OXCT1: variants seen among roughly 807,000 people sequenced by gnomAD.
OXCT1 encodes succinyl-CoA:3-ketoacid coenzyme A transferase 1, mitochondrial.
OXCT1 carries 27 observed loss-of-function variants against 69.6 expected under a neutral mutation model. The observed-to-expected ratio is 0.39, with a 90% confidence interval of 0.29 to 0.54. The LOEUF is 0.54. OXCT1 is among the 20% of genes least tolerant of loss of function. OXCT1 has a pLI of 0.72. For missense variants in OXCT1, 437 were observed against 650.2 expected, an observed-to-expected ratio of 0.67 and a Z score of 3.57; for synonymous variants, 202 against 217.8, an observed-to-expected ratio of 0.93 and a Z score of 0.64.
chr5:41,744,281 A>T (rs1743353757), intron 15 of OXCT1, among the ~76,000 whole-genome samples: 1 of 152,150 alleles, frequency 6.6e-6, no homozygotes, highest in African/African-American at 2.4e-5. Flanking sequence ...TTATTGGTGT[A>T]TAAGAATGCT....
At chr5:41,832,705 T>G (rs1262666643) in intron 7 of OXCT1, among the ~76,000 whole-genome samples, 3 of 152,084 alleles carry the variant, frequency 2.0e-5, no homozygotes, top group Non-Finnish European at 2.9e-5. Flanking sequence ...AACAGAGATA[T>G]GTGACCTTTC....
rs569055352 is a variant in OXCT1, at chr5:41,743,190, A to G, written c.1420-3699T>C. ...GCCATTCTAACTGGTGTGAGATGGT[A>G]TCTCATTGTGGCTTTGATTTGCATT... is the stretch of plus-strand genomic sequence containing the variant. On this transcript the variant is annotated intron_variant, in intron 15 of 16. Coordinates refer to ENST00000196371, the MANE Select transcript of OXCT1 (RefSeq NM_000436.4). Among the ~76,000 whole-genome samples, 978 of 152,304 alleles carry G rather than the reference A, an allele frequency of 6.4e-3. 9 individuals carry two copies. Among genetic ancestry groups the G allele is most frequent in the Middle Eastern group, 0.027 (8 of 294 alleles).
chr5:41,801,289 C>T (rs563856733), intron 10 of OXCT1, among the ~76,000 whole-genome samples: 1 of 152,138 alleles, frequency 6.6e-6, no homozygotes, highest in East Asian at 1.9e-4. Flanking sequence ...AAAATATTTT[C>T]TAAAAATTAC....
intron 13 of OXCT1, among the ~76,000 whole-genome samples, chr5:41,764,694 T>G (rs745749506): frequency 2.0e-5 from 3 of 152,144 alleles, no homozygotes; most frequent in Non-Finnish European, 4.4e-5. Context: ...CTTTCTCTTC[T>G]TCTCTCCATT....
intron 14 of OXCT1, among the ~76,000 whole-genome samples, chr5:41,758,782 T>A (rs902550116): frequency 6.6e-6 from 1 of 152,014 alleles, no homozygotes; most frequent in African/African-American, 2.4e-5. Context: ...AGAGGGGGCA[T>A]AGAAAATTTA....
intron 14 of OXCT1, among the ~76,000 whole-genome samples, chr5:41,754,679 T>C (rs1170990494): frequency 1.3e-5 from 2 of 152,086 alleles, no homozygotes; most frequent in East Asian, 3.9e-4. Flanking sequence ...TCATGGGATA[T>C]GATTGACCTT....
chr5:41,844,747 T>C (rs369059610), intron 5 of OXCT1, among the ~76,000 whole-genome samples: 1 of 151,978 alleles, frequency 6.6e-6, no homozygotes, highest in South Asian at 2.1e-4. Context: ...TTACACAGTA[T>C]GCTTGACTCC....
chr5:41,836,370 C>T (rs754865866), intron 7 of OXCT1, among the ~76,000 whole-genome samples: 1 of 152,190 alleles, frequency 6.6e-6, no homozygotes, highest in African/African-American at 2.4e-5. Context: ...TCAACTGTGT[C>T]ACAACTTTGT....
intron 13 of OXCT1, among the ~76,000 whole-genome samples, chr5:41,788,413 T>A (rs1191285082): frequency 6.6e-6 from 1 of 152,168 alleles, no homozygotes; most frequent in East Asian, 1.9e-4. Flanking sequence ...AATTATGATT[T>A]AGAGATTATA....
chr5:41,814,772 G>A (rs186011516), intron 7 of OXCT1, among the ~76,000 whole-genome samples: 2,192 of 151,066 alleles, frequency 0.015, 61 homozygotes, highest in African/African-American at 0.051. Flanking sequence ...TATACCTAAT[G>A]CTAGATGACG....
In OXCT1 at chr5:41,815,564, A is replaced by G. The variant is rs1251024547; in HGVS notation, c.733-8126T>C. On this transcript the variant is annotated intron_variant, in intron 7 of 16. Transcript: ENST00000196371. The stretch of plus-strand genomic sequence containing the variant: ...TTCAGGCAATATTCTAAATATCTAT[A>G]TTTCATTTGTCATATCTCTTTTAAA... Among the ~76,000 whole-genome samples, 4 of 152,140 alleles carry G rather than the reference A, an allele frequency of 2.6e-5. No homozygotes were observed. The East Asian group carries it at 7.7e-4, about 29-fold the overall frequency.
chr5:41,828,896 T>C (rs1005544873), intron 7 of OXCT1, among the ~76,000 whole-genome samples: 13 of 152,220 alleles, frequency 8.5e-5, no homozygotes, highest in African/African-American at 2.9e-4. Flanking sequence ...TTACATACTT[T>C]TTTAAAAAAT....
At position 41,849,590 on chromosome 5, in the gene OXCT1, C is replaced by G. The variant is rs540603141; in HGVS notation, c.564+440G>C. Among the ~76,000 whole-genome samples the G allele has an allele frequency of 7.2e-5, 11 of 152,330 alleles. No individual in the cohort carries two copies. The East Asian group carries it at 1.9e-3, about 27-fold the overall frequency. On this transcript the variant is annotated intron_variant, in intron 5 of 16. Coordinates refer to ENST00000196371, the MANE Select transcript of OXCT1 (RefSeq NM_000436.4). The stretch of plus-strand genomic sequence containing the variant: ...ATATGAACTCTCTATTCTATCATAA[C>G]AGTTCCTTTCAAGGTTTCAGACAAA...
intron 13 of OXCT1, among the ~76,000 whole-genome samples, chr5:41,783,470 C>T (rs1314471187): frequency 1.3e-5 from 2 of 152,072 alleles, no homozygotes; most frequent in African/African-American, 4.8e-5. Flanking sequence ...TTCTAGGAAG[C>T]CTCATCTATC....
At chr5:41,802,614 G>T (rs987306349) in intron 10 of OXCT1, among the ~76,000 whole-genome samples, 1 of 151,964 alleles carries the variant, frequency 6.6e-6, no homozygotes, top group African/African-American at 2.4e-5. Flanking sequence ...TCACTCTGAG[G>T]CTTACTTAAT....
rs1167152711 is a variant in OXCT1 at position 41,861,548 on chromosome 5, AGCT to A, written c.188-147_188-145del. Reference sequence around the variant, plus strand: ...GCAAAATACACAGATATATCTCAGCAGCTAAGTAAATGGTCATATAGCTGTATC... The same window carrying A: ...GCAAAATACACAGATATATCTCAGCAAAGTAAATGGTCATATAGCTGTATC... On this transcript the variant is annotated intron_variant, in intron 2 of 16. Transcript: ENST00000196371. The A allele has an allele frequency of 8.7e-6, 6 of 692,020 alleles. No individual in the cohort carries two copies. In the African/African-American group the frequency reaches 1.1e-4, roughly 12 times the overall value. 42.9% of individuals were successfully genotyped at this position (692,020 alleles called of 1,614,324 possible). A position where few individuals can be genotyped will look rare whatever the true frequency, so the allele number is the denominator to read the frequency against.
At chr5:41,735,907 G>A (rs1742862744) in intron 16 of OXCT1, among the ~76,000 whole-genome samples, 1 of 152,214 alleles carries the variant, frequency 6.6e-6, no homozygotes, top group African/African-American at 2.4e-5. Flanking sequence ...GTGGATGGAA[G>A]CTCAGCAATG....
chr5:41,846,523 G>A (rs1208452899), intron 5 of OXCT1, among the ~76,000 whole-genome samples: 4 of 149,486 alleles, frequency 2.7e-5, no homozygotes, highest in African/African-American at 7.4e-5. Flanking sequence ...TCTTAATCCA[G>A]TCTATCATTG....
At chr5:41,740,663 CT>C (rs1743116733) in intron 15 of OXCT1, among the ~76,000 whole-genome samples, 1 of 152,240 alleles carries the variant, frequency 6.6e-6, no homozygotes, top group Non-Finnish European at 1.5e-5. Context: ...TCAAAACATT[CT>C]TCTCAGATAG....
Sources: allele counts gnomAD v4.1 joint callset (sites outside exome capture counted in the v4.1 genomes callset), GRCh38; gene constraint gnomAD v4.1.1; transcripts MANE v1.5; gene names NCBI Gene and HGNC (gene_info 2026-07-23, HGNC 2026-07-21).